The following TESPA1 variants were observed in gnomAD, a reference collection of about 807,000 sequenced individuals.
The protein encoded by TESPA1 is thymocyte expressed, positive selection associated 1.
A neutral mutation model predicts 57.9 loss-of-function variants in TESPA1; 33 were observed. That is an observed-to-expected ratio of 0.57 (90% CI 0.43 to 0.76). The LOEUF (loss-of-function observed/expected upper bound fraction) is 0.76. TESPA1 is among the 30% of genes least tolerant of loss of function. The probability of loss-of-function intolerance (pLI) is 0.00; values close to 1 mark genes in which losing one functional copy is unlikely to be tolerated. For synonymous variants in TESPA1, 227 were observed against 228.9 expected, an observed-to-expected ratio of 0.99 and a Z score of 0.07; for missense variants, 618 against 632.9, an observed-to-expected ratio of 0.98 and a Z score of 0.25.
At chr12:54,955,140 T>C (rs1158050320) in intron 10 of TESPA1, among the ~76,000 whole-genome samples, 1 of 152,234 alleles carries the variant, frequency 6.6e-6, no homozygotes, top group Non-Finnish European at 1.5e-5. Flanking sequence ...TTTAAGGTAA[T>C]ATTTCATTGT....
intron 5 of TESPA1, 139 bp downstream of exon 5, chr12:54,967,044 T>G: frequency 1.2e-5 from 11 of 884,090 alleles, no homozygotes; most frequent in Non-Finnish European, 2.0e-5. Flanking sequence ...TAGATAATAA[T>G]GAGACTGCCC....
chr12:54,967,372 C>A (rs940883120), intron 4 of TESPA1, 136 bp from the exon 5 acceptor site: 13 of 947,428 alleles, frequency 1.4e-5, no homozygotes, highest in Non-Finnish European at 2.1e-5. Flanking sequence ...ATACTAGATA[C>A]CCACGTTTGT....
chr12:54,971,154 C>T (rs963013857), intron 3 of TESPA1, among the ~76,000 whole-genome samples: 13 of 152,208 alleles, frequency 8.5e-5, no homozygotes, highest in African/African-American at 2.9e-4. Flanking sequence ...GATGCTCTTG[C>T]TACCAGAGGA....
At chr12:54,973,721 T>C in intron 2 of TESPA1, 6 of 1,333,808 alleles carry the variant, frequency 4.5e-6, no homozygotes, top group Non-Finnish European at 5.7e-6. Flanking sequence ...CTGCTTCTTT[T>C]CTCCCTTCCT....
intron 3 of TESPA1, among the ~76,000 whole-genome samples, chr12:54,969,127 CA>C (rs1386518574): frequency 2.7e-5 from 4 of 148,436 alleles, no homozygotes; most frequent in East Asian, 4.0e-4. Context: ...CCATGTTTAC[CA>C]AAATCTGAAT....
intron 3 of TESPA1, 119 bp downstream of exon 3, chr12:54,973,358 C>G (rs1208508823): frequency 6.9e-7 from 1 of 1,449,454 alleles, no homozygotes; most frequent in East Asian, 2.3e-5. Flanking sequence ...CTCAACCTTA[C>G]TTCTAATCTT....
At chr12:54,968,017 T>G (rs753536244) in intron 3 of TESPA1, 125 bp from the exon 4 acceptor site, 1 of 1,540,084 alleles carries the variant, frequency 6.5e-7, no homozygotes, top group South Asian at 1.2e-5. Context: ...TAATTTGCTT[T>G]TATGTTGGAG....
intron 10 of TESPA1, among the ~76,000 whole-genome samples, chr12:54,957,824 A>C (rs968460662): frequency 1.3e-5 from 2 of 152,234 alleles, no homozygotes; most frequent in Non-Finnish European, 2.9e-5. Flanking sequence ...TGTAAGACTC[A>C]TAATTATTTT....
rs1950258126 is a variant in TESPA1, at chr12:54,949,501, G to T, written c.*891C>A. On this transcript the variant is annotated 3_prime_UTR_variant, in exon 11 of 11. Coordinates refer to ENST00000449076, the MANE Select transcript of TESPA1 (RefSeq NM_001136030.3). ...ATTAATATTTTCTCAGGGGAGAAAT[G>T]TGTCCAAGATGCTCTGAAACCACAT... 1 of 151,576 alleles carries T rather than the reference G, an allele frequency of 6.6e-6. No homozygotes were observed. Among genetic ancestry groups the T allele is most frequent in the Admixed American group, 6.6e-5 (1 of 15,178 alleles). 9.4% of individuals were successfully genotyped at this position (151,576 alleles called of 1,614,324 possible). A position where few individuals can be genotyped will look rare whatever the true frequency, so the allele number is the denominator to read the frequency against.
At chr12:54,961,327 G>A in intron 9 of TESPA1, 60 bp from the exon 10 acceptor site, 4 of 1,593,256 alleles carry the variant, frequency 2.5e-6, no homozygotes, top group Non-Finnish European at 3.4e-6. Context: ...GTAAGGAAAG[G>A]TGCAGGTGGC....
chr12:54,953,783 G>C (rs977857112), intron 10 of TESPA1, among the ~76,000 whole-genome samples: 1 of 152,116 alleles, frequency 6.6e-6, no homozygotes, highest in African/African-American at 2.4e-5. Context: ...GCCTCCCAAA[G>C]TGCTGGGATT....
chr12:54,960,189 C>A (rs949166292), intron 10 of TESPA1, among the ~76,000 whole-genome samples: 3 of 152,088 alleles, frequency 2.0e-5, no homozygotes, highest in Non-Finnish European at 4.4e-5. Flanking sequence ...GGGGAAAATA[C>A]CATTATCCCT....
At chr12:54,973,641 A>G in intron 2 of TESPA1, 122 bp from the exon 3 acceptor site, 2 of 1,547,602 alleles carry the variant, frequency 1.3e-6, no homozygotes, top group Admixed American at 3.9e-5. Flanking sequence ...TTTTTTCTAC[A>G]TAAAGCTTTT....
intron 10 of TESPA1, among the ~76,000 whole-genome samples, chr12:54,959,214 C>G (rs943441191): frequency 6.6e-6 from 1 of 152,184 alleles, no homozygotes; most frequent in African/African-American, 2.4e-5. Context: ...CTCACCTGTG[C>G]TTCTCATCCT....
In TESPA1 at chr12:54,962,951, A is replaced by G; in HGVS notation, c.947T>C (p.Val316Ala). 1 of 1,612,626 alleles carries G rather than the reference A, an allele frequency of 6.2e-7. No individual in the cohort carries two copies. The highest frequency in any genetic ancestry group is 1.1e-5 in the South Asian group (1 of 91,046). Residue 316 changes from valine to alanine, a missense_variant, in exon 9 of 11, where the codon GTG (valine) becomes GCG (alanine). Physicochemically the swap from Val to Ala is moderately conservative, Grantham distance 64 (BLOSUM62 0). Coordinates refer to ENST00000449076, the MANE Select transcript of TESPA1 (RefSeq NM_001136030.3). ...TTTCACTTTGTCCATCACTTCCAAC[A>G]CAACTTGGTCCAAACTGTTCCTTTT... ...TPKRNSLDQV[V>A]LEVMDKVKEE...
Position 54,974,550 on chromosome 12 carries a change from C to T in TESPA1, c.13G>A (p.Val5Met), listed in dbSNP as rs529649457. 228 of 1,588,370 alleles carry T rather than the reference C, an allele frequency of 1.4e-4. No homozygotes were observed. The Admixed American group carries it at 3.9e-3, about 27-fold the overall frequency. Reference protein sequence around the residue: MEASVLSPTSWEKRR... With the variant: MEASMLSPTSWEKRR... ...TTCTCCCAGGATGTGGGGCTCAGCA[C>T]AGAGGCCTCCATGGCCCTGGCTCAG... The change falls in exon 2 of 11, where the codon GTG becomes ATG. Residue 5 changes from valine (V) to methionine (M), a missense_variant. Physicochemically the swap from Val to Met is conservative, Grantham distance 21. Around this residue, in one of 3 missense-constraint regions of TESPA1, gnomAD observed 199 missense variants for 184.0 expected, o/e 1.08. Transcript: ENST00000449076.
chr12:54,967,033 T>A, intron 5 of TESPA1, 150 bp downstream of exon 5: 1 of 803,508 alleles, frequency 1.2e-6, no homozygotes, highest in Non-Finnish European at 2.0e-6. Flanking sequence ...GCATTTTACA[T>A]TAGATAATAA....
intron 10 of TESPA1, among the ~76,000 whole-genome samples, chr12:54,952,294 A>G (rs1010119641): frequency 2.6e-5 from 4 of 152,246 alleles, no homozygotes; most frequent in South Asian, 2.1e-4. Context: ...TTCTTTTATA[A>G]AGTAAAATAC....
chr12:54,963,315 G>A (rs950387041), intron 8 of TESPA1, 73 bp from the exon 9 acceptor site: 1 of 1,383,414 alleles, frequency 7.2e-7, no homozygotes, highest in South Asian at 1.5e-5. Flanking sequence ...CCTTCAGGAG[G>A]CTCCCCAAAG....
Sources: gnomAD v4.1 joint callset for allele counts (sites outside exome capture counted in the v4.1 genomes callset) on GRCh38, gnomAD v4.1.1 for gene constraint, gnomAD v4.1.1 regional missense constraint, MANE v1.5 for transcripts, NCBI Gene and HGNC (gene_info 2026-07-23, HGNC 2026-07-21) for gene names.